The following FRMD3 variants were observed in gnomAD, a reference collection of about 807,000 sequenced individuals.
The protein encoded by FRMD3 is FERM domain-containing protein 3.
Under a neutral mutation model 70.2 loss-of-function variants are expected in FRMD3, and 33 were observed. The ratio of observed to expected loss-of-function variants is 0.47; its 90% CI spans 0.36 to 0.63. FRMD3 has a LOEUF of 0.63. FRMD3 is among the 20% of genes least tolerant of loss of function. The probability of loss-of-function intolerance (pLI) is 0.00; values close to 1 mark genes in which losing one functional copy is unlikely to be tolerated. For synonymous variants in FRMD3, 279 were observed against 255.9 expected (o/e 1.09, Z -0.86); for missense variants, 632 against 711.4 (o/e 0.89, Z 1.27).
Position 83,245,146 on chromosome 9 carries a change from T to C in FRMD3, c.*2772A>G. The C allele has an allele frequency of 1.0e-6, 1 of 985,260 alleles. No homozygotes were observed. Among genetic ancestry groups the C allele is most frequent in the Non-Finnish European group, 1.2e-6 (1 of 829,778 alleles). 61.0% of individuals were successfully genotyped at this position (985,260 alleles called of 1,614,324 possible). On this transcript the variant is annotated 3_prime_UTR_variant, in exon 14 of 14. Transcript: ENST00000304195. ...AGGGCAAAATAAGCACAATTATGCA[T>C]GAGGGGCATATATGTTGTGTCTATT...
intron 1 of FRMD3, among the ~76,000 whole-genome samples, chr9:83,464,519 T>A (rs1449029086): frequency 6.6e-6 from 1 of 152,166 alleles, no homozygotes; most frequent in African/African-American, 2.4e-5. Flanking sequence ...ATCACAGTGC[T>A]TAGCACTTCC....
chr9:83,282,539 ATT>A (rs34420024), intron 13 of FRMD3, among the ~76,000 whole-genome samples: 1,845 of 148,150 alleles, frequency 0.012, 20 homozygotes, highest in African/African-American at 0.02. Flanking sequence ...ACAGTCTTGG[ATT>A]TTTTTTTTTT....
At chr9:83,296,758 C>T (rs1834679424) in intron 12 of FRMD3, among the ~76,000 whole-genome samples, 1 of 152,134 alleles carries the variant, frequency 6.6e-6, no homozygotes, top group Non-Finnish European at 1.5e-5. Flanking sequence ...AGCATGTATC[C>T]ACTTTCCTCG....
At chr9:83,331,426 C>T (rs10780594) in intron 6 of FRMD3, among the ~76,000 whole-genome samples, 85,592 of 151,884 alleles carry the variant, frequency 0.56, 24,487 homozygotes, top group Admixed American at 0.61. Flanking sequence ...AAAAGATCAG[C>T]GGTTGCCAGG....
chr9:83,261,984 A>T (rs1291055058), intron 13 of FRMD3, among the ~76,000 whole-genome samples: 1 of 152,232 alleles, frequency 6.6e-6, no homozygotes, highest in African/African-American at 2.4e-5. Flanking sequence ...AAAGTGCCTG[A>T]CACTGGTAAG....
At chr9:83,503,947 A>G (rs193288948) in intron 1 of FRMD3, among the ~76,000 whole-genome samples, 1 of 152,312 alleles carries the variant, frequency 6.6e-6, no homozygotes, top group African/African-American at 2.4e-5. Flanking sequence ...CTCTCCTGCA[A>G]CTCAGGGGAA....
At chr9:83,521,103 C>T (rs1346510828) in intron 1 of FRMD3, among the ~76,000 whole-genome samples, 3 of 151,432 alleles carry the variant, frequency 2.0e-5, no homozygotes, top group African/African-American at 7.3e-5. Context: ...CACACCACTG[C>T]ACTCTAGTCT....
intron 1 of FRMD3, among the ~76,000 whole-genome samples, chr9:83,522,071 G>A (rs1186270324): frequency 6.6e-6 from 1 of 152,134 alleles, no homozygotes; most frequent in Admixed American, 6.6e-5. Flanking sequence ...AGGGGGTGTG[G>A]GACGTCTCTT....
chr9:83,274,832 T>G (rs527410362), intron 13 of FRMD3, among the ~76,000 whole-genome samples: 88 of 152,216 alleles, frequency 5.8e-4, no homozygotes, highest in African/African-American at 2.1e-3. Flanking sequence ...AGAAAGATGT[T>G]GCAATGTTCC....
chr9:83,532,791 T>A (rs1564119345), intron 1 of FRMD3, among the ~76,000 whole-genome samples: 1 of 152,178 alleles, frequency 6.6e-6, no homozygotes, highest in Non-Finnish European at 1.5e-5. Flanking sequence ...ATGGGAAAAC[T>A]GATGGGGACT....
intron 3 of FRMD3, among the ~76,000 whole-genome samples, chr9:83,357,238 AATACATACATATATATATAT>A (rs1474360487): frequency 5.0e-4 from 2 of 3,980 alleles, no homozygotes. Context: ...ATATATATAT[AATACATACATATATATATAT>A]ATATATATAT....
At chr9:83,479,927 A>G (rs1828528446) in intron 1 of FRMD3, among the ~76,000 whole-genome samples, 1 of 152,080 alleles carries the variant, frequency 6.6e-6, no homozygotes, top group South Asian at 2.1e-4. Context: ...AGGCAAAAAT[A>G]TCAAAAGTCT....
Position 83,299,125 on chromosome 9 carries a change from T to C in FRMD3, c.988A>G (p.Arg330Gly), listed in dbSNP as rs1230929198. 1 of 1,610,418 alleles carries C rather than the reference T, an allele frequency of 6.2e-7. No homozygotes were observed. The highest frequency in any genetic ancestry group is 8.5e-7 in the Non-Finnish European group (1 of 1,177,014). The change falls in exon 11 of 14, where the codon AGA (arginine) becomes GGA (glycine). Residue 330 changes from arginine to glycine, a missense_variant. Arg to Gly is a moderately radical substitution (Grantham distance 125, BLOSUM62 -2). Transcript: ENST00000304195. Reference protein sequence around the residue: ...SSSKIFFKGSRFRYSGKVAKE... With the variant: ...SSSKIFFKGSGFRYSGKVAKE... ...ATTGGTACCCACCTATATCGAAATC[T>C]ACTTCCTTTAAAAAATATCTTGCTG...
intron 1 of FRMD3, among the ~76,000 whole-genome samples, chr9:83,510,164 G>A (rs1047741212): frequency 2.0e-5 from 3 of 152,160 alleles, no homozygotes; most frequent in Admixed American, 6.5e-5. Flanking sequence ...TAGTCTTGAG[G>A]CAGCCTGGGA....
the FRMD3 span, among the ~76,000 whole-genome samples, chr9:83,556,050 G>A: frequency 5.9e-5 from 9 of 152,160 alleles, no homozygotes; most frequent in African/African-American, 1.9e-4. Flanking sequence ...CCCAATGGAC[G>A]TTTCCACTGA....
chr9:83,518,737 A>G (rs571414162), intron 1 of FRMD3, among the ~76,000 whole-genome samples: 50 of 152,346 alleles, frequency 3.3e-4, no homozygotes, highest in Non-Finnish European at 6.6e-4. Flanking sequence ...CCTGACTTCA[A>G]ACTATACTAC....
chr9:83,501,291 C>T (rs921594172), intron 1 of FRMD3, among the ~76,000 whole-genome samples: 19 of 148,830 alleles, frequency 1.3e-4, no homozygotes, highest in Non-Finnish European at 2.4e-4. Context: ...GAGACTCCAT[C>T]TCAAAAAAAA....
chr9:83,480,533 T>C (rs1356044548), intron 1 of FRMD3, among the ~76,000 whole-genome samples: 1 of 151,274 alleles, frequency 6.6e-6, no homozygotes, highest in Non-Finnish European at 1.5e-5. Flanking sequence ...TTGGCTCTTG[T>C]TGCCCAGGCT....
In FRMD3 at chr9:83,448,676, G is replaced by GA. The variant is rs376656304; in HGVS notation, c.148-58969dup. The stretch of plus-strand genomic sequence containing the variant: ...TCCCCTCCCTAAGACCACAGAGCGG[G>GA]AAAAAAAAATGCTTGAAAGCAGATC... On this transcript the variant is annotated intron_variant, in intron 1 of 13. Transcript: ENST00000304195. Among the ~76,000 whole-genome samples the GA allele has an allele frequency of 1.3e-4, 20 of 150,720 alleles. No individual in the cohort carries two copies. In the East Asian group the frequency reaches 2.3e-3, roughly 18 times the overall value.
Sources: allele counts gnomAD v4.1 joint callset (sites outside exome capture counted in the v4.1 genomes callset), GRCh38; gene constraint gnomAD v4.1.1; transcripts MANE v1.5; gene names NCBI Gene and HGNC (gene_info 2026-07-23, HGNC 2026-07-21).